The following GRM5 variants were observed in gnomAD, a reference collection of about 807,000 sequenced individuals.
The protein encoded by GRM5 is metabotropic glutamate receptor 5.
A neutral mutation model predicts 83.1 loss-of-function variants in GRM5; 19 were observed. That is an observed-to-expected ratio of 0.23 (90% confidence interval 0.16 to 0.34). GRM5 has a LOEUF of 0.34. Among genes scored for constraint, GRM5 ranks in the 10% least tolerant of loss-of-function variants. The pLI is 1.00. For synonymous variants in GRM5, 675 were observed against 633.6 expected (o/e 1.07, Z -0.98); for missense variants, 1,160 against 1,588.3 (o/e 0.73, Z 4.58).
chr11:88,618,354 C>T (rs1938540537), intron 4 of GRM5, among the ~76,000 whole-genome samples: 1 of 152,208 alleles, frequency 6.6e-6, no homozygotes, highest in Non-Finnish European at 1.5e-5. Flanking sequence ...CTTCTTGCTT[C>T]ATTTTTAAAC....
chr11:88,738,996 A>G (rs930519555), intron 3 of GRM5, among the ~76,000 whole-genome samples: 8 of 152,116 alleles, frequency 5.3e-5, no homozygotes, highest in African/African-American at 1.9e-4. Context: ...GTCATGAAGT[A>G]TATTTTTCAC....
intron 4 of GRM5, chr11:88,612,958 A>C (rs896134085): frequency 1.3e-5 from 2 of 152,020 alleles, no homozygotes; most frequent in African/African-American, 4.8e-5. Context: ...TTTTATCCCA[A>C]AGTCATTCAG....
chr11:88,818,119 C>A (rs531093287), intron 3 of GRM5, among the ~76,000 whole-genome samples: 1 of 152,030 alleles, frequency 6.6e-6, no homozygotes, highest in South Asian at 2.1e-4. Flanking sequence ...TATAAATCTA[C>A]CTCTATTATA....
chr11:88,882,151 C>T (rs897803489), intron 2 of GRM5, among the ~76,000 whole-genome samples: 2 of 151,860 alleles, frequency 1.3e-5, no homozygotes, highest in South Asian at 4.2e-4. Flanking sequence ...GAAAGAGAAT[C>T]GCTTGAACCC....
At chr11:88,772,750 T>C (rs1942767348) in intron 3 of GRM5, among the ~76,000 whole-genome samples, 1 of 152,202 alleles carries the variant, frequency 6.6e-6, no homozygotes, top group African/African-American at 2.4e-5. Context: ...GTTTCCAGCT[T>C]CATCCATGTC....
intron 4 of GRM5, among the ~76,000 whole-genome samples, chr11:88,652,892 G>T (rs1939668571): frequency 6.6e-6 from 1 of 152,066 alleles, no homozygotes; most frequent in African/African-American, 2.4e-5. Context: ...GAGCTCATGT[G>T]ATGTTTTTAG....
chr11:88,658,825 T>C (rs1359739975), intron 3 of GRM5, among the ~76,000 whole-genome samples: 1 of 152,084 alleles, frequency 6.6e-6, no homozygotes, highest in African/African-American at 2.4e-5. Flanking sequence ...AGAGAAGTAA[T>C]GAGAGGGTGA....
intron 2 of GRM5, among the ~76,000 whole-genome samples, chr11:89,032,861 T>C (rs1941294341): frequency 6.6e-6 from 1 of 152,072 alleles, no homozygotes. Context: ...CTTCCAGATC[T>C]GAAACTTAAT....
chr11:88,655,899 A>G (rs1939756799), intron 3 of GRM5, among the ~76,000 whole-genome samples: 1 of 152,092 alleles, frequency 6.6e-6, no homozygotes, highest in East Asian at 1.9e-4. Flanking sequence ...TTTTTGGATA[A>G]TATCTGCTAT....
At position 88,775,864 on chromosome 11, in the gene GRM5, G is replaced by A. The variant is rs541431162; in HGVS notation, c.911+74042C>T. ...TGAGGAGTGATTTACTTCCAATTATGTGGTCAATCTTAGAATAAGTGCAAT... is the reference window on the plus strand; with the variant it reads ...TGAGGAGTGATTTACTTCCAATTATATGGTCAATCTTAGAATAAGTGCAAT... On this transcript the variant is annotated intron_variant, in intron 3 of 9. Coordinates refer to ENST00000305447, the MANE Select transcript of GRM5 (RefSeq NM_001143831.3). Among the ~76,000 whole-genome samples the A allele has an allele frequency of 2.6e-5, 4 of 152,042 alleles. No individual in the cohort carries two copies. In the South Asian group the frequency reaches 8.3e-4, roughly 32 times the overall value.
Position 88,822,389 on chromosome 11 carries a change from T to C in GRM5, c.911+27517A>G, listed in dbSNP as rs1054742557. Among the ~76,000 whole-genome samples the C allele has an allele frequency of 9.2e-5, 14 of 152,268 alleles. No individual in the cohort carries two copies. The East Asian group carries it at 2.1e-3, about 23-fold the overall frequency. On this transcript the variant is annotated intron_variant, in intron 3 of 9. Transcript: ENST00000305447. Reference sequence around the variant, plus strand: ...GCAATGATTTTAAGATGCAGGATAATAAGCAATCATGCAAAAGAGGTGAAG... The same window carrying C: ...GCAATGATTTTAAGATGCAGGATAACAAGCAATCATGCAAAAGAGGTGAAG...
chr11:88,989,072 G>A (rs1591025058), intron 2 of GRM5, among the ~76,000 whole-genome samples: 1 of 151,550 alleles, frequency 6.6e-6, no homozygotes. Context: ...TGACAAATTG[G>A]ATGAAGAGTC....
intron 8 of GRM5, among the ~76,000 whole-genome samples, chr11:88,565,868 T>C (rs1253353569): frequency 6.6e-6 from 1 of 152,208 alleles, no homozygotes; most frequent in Non-Finnish European, 1.5e-5. Flanking sequence ...GTAAACGAAT[T>C]GGACCTTGTG....
At chr11:88,919,257 T>TATATATATATATATATATATATATATAG (rs1945648853) in intron 2 of GRM5, among the ~76,000 whole-genome samples, 1 of 96,410 alleles carries the variant, frequency 1.0e-5, no homozygotes, top group African/African-American at 3.0e-5. Flanking sequence ...TATATATATA[T>TATATATATATATATATATATATATATAG]CGGATAAAAT....
intron 4 of GRM5, among the ~76,000 whole-genome samples, chr11:88,620,334 C>G (rs928549081): frequency 1.3e-5 from 2 of 152,162 alleles, no homozygotes; most frequent in Non-Finnish European, 2.9e-5. Context: ...AGCCTCTAAA[C>G]ATATCATGGG....
At chr11:88,848,959 A>G (rs977654040) in intron 3 of GRM5, among the ~76,000 whole-genome samples, 1 of 152,212 alleles carries the variant, frequency 6.6e-6, no homozygotes, top group Non-Finnish European at 1.5e-5. Flanking sequence ...GGTCTTTTTC[A>G]GTCTTCAGAC....
chr11:88,751,090 A>AAAAAAAAAT (rs1942264086), intron 3 of GRM5, among the ~76,000 whole-genome samples: 1 of 140,358 alleles, frequency 7.1e-6, no homozygotes, highest in Admixed American at 7.5e-5. Flanking sequence ...AAAAAAAAAA[A>AAAAAAAAAT]AAAAACAAAG....
At chr11:88,803,433 G>A (rs1943438954) in intron 3 of GRM5, among the ~76,000 whole-genome samples, 1 of 152,088 alleles carries the variant, frequency 6.6e-6, no homozygotes, top group Non-Finnish European at 1.5e-5. Context: ...CAAGCAATGG[G>A]GAAAGGATTC....
rs143357987 is a variant in GRM5, at chr11:89,047,618, G to C, written c.255C>G (p.Leu85=). Residue 85 remains leucine, a synonymous_variant, in exon 2 of 10, where the codon CTC becomes CTG. Coordinates refer to ENST00000305447, the MANE Select transcript of GRM5 (RefSeq NM_001143831.3). This position sits in a 1 kb window ranked among gnomAD's most constrained non-coding sequence, Gnocchi z 5.1. ...CACAGCCCAGTGTGATGTTGGGCAA[G>C]AGTGTGGGGTCTGAATTGATCCTTT... is the stretch of plus-strand genomic sequence containing the variant. ...TLERINSDPT[L]LPNITLGCEI... 10 of 1,613,972 alleles carry C rather than the reference G, an allele frequency of 6.2e-6. No individual in the cohort carries two copies. The African/African-American group carries it at 1.2e-4, about 19-fold the overall frequency.
Sources: gnomAD v4.1 joint callset for allele counts (sites outside exome capture counted in the v4.1 genomes callset) on GRCh38, gnomAD v4.1.1 for gene constraint, Gnocchi (gnomAD v3.1) non-coding constraint, MANE v1.5 for transcripts, NCBI Gene and HGNC (gene_info 2026-07-23, HGNC 2026-07-21) for gene names.